MMD2: variants seen among roughly 807,000 people sequenced by gnomAD.
MMD2 encodes the protein monocyte to macrophage differentiation factor 2.
A neutral mutation model predicts 33.5 loss-of-function variants in MMD2; 30 were observed. The ratio of observed to expected loss-of-function variants is 0.90; its 90% confidence interval spans 0.67 to 1.22. The LOEUF is 1.22. MMD2 is among the 50% of genes most tolerant of loss of function. The probability of loss-of-function intolerance (pLI) is 0.00; values close to 1 mark genes in which losing one functional copy is unlikely to be tolerated. For synonymous variants in MMD2, 129 were observed against 123.0 expected, an observed-to-expected ratio of 1.05 and a Z score of -0.32; for missense variants, 364 against 325.4, an observed-to-expected ratio of 1.12 and a Z score of -0.91.
intron 1 of MMD2, among the ~76,000 whole-genome samples, chr7:4,950,972 C>A (rs956589158): frequency 6.6e-6 from 1 of 152,090 alleles, no homozygotes; most frequent in African/African-American, 2.4e-5. Context: ...CTCAGCCTCC[C>A]AAATTGCTGG....
At chr7:4,892,247 C>T in the MMD2 span, among the ~76,000 whole-genome samples, 11 of 151,952 alleles carry the variant, frequency 7.2e-5, no homozygotes, top group South Asian at 2.1e-4. Context: ...ACGCCATAGA[C>T]GATAAATACA....
At chr7:4,935,668 A>T (rs896053800) in intron 1 of MMD2, among the ~76,000 whole-genome samples, 1 of 120,848 alleles carries the variant, frequency 8.3e-6, no homozygotes, top group African/African-American at 3.5e-5. Flanking sequence ...ACAGAGCAAG[A>T]CCCTGTCTCA....
chr7:4,907,478 G>A lies in MMD2; in HGVS notation c.659C>T (p.Ala220Val), dbSNP rs1784893148. The A allele has an allele frequency of 1.2e-6, 2 of 1,613,984 alleles. No homozygotes were observed. Among genetic ancestry groups the A allele is most frequent in the East Asian group, 2.2e-5 (1 of 44,888 alleles). ...FAHAIWHLFV[A>V]FGAGTHYYAI... Reference sequence around the variant, plus strand: ...ATAGTAGTGGGTACCAGCACCAAATGCTACAAAGAGATGCCAGATGGCGTG... The same window carrying A: ...ATAGTAGTGGGTACCAGCACCAAATACTACAAAGAGATGCCAGATGGCGTG... Residue 220 changes from alanine (A) to valine (V), a missense_variant, in exon 7 of 7, where the codon GCA (alanine) becomes GTA (valine). Ala to Val is a moderately conservative substitution (Grantham distance 64). Coordinates refer to ENST00000401401, the MANE Select transcript of MMD2 (RefSeq NM_198403.4).
At chr7:4,895,820 C>A in the MMD2 span, among the ~76,000 whole-genome samples, 1 of 151,862 alleles carries the variant, frequency 6.6e-6, no homozygotes, top group Non-Finnish European at 1.5e-5. Context: ...AGGCGTGAAC[C>A]ACCGCGCCCG....
intron 4 of MMD2, among the ~76,000 whole-genome samples, chr7:4,915,334 T>C (rs1785112401): frequency 6.6e-6 from 1 of 151,768 alleles, no homozygotes; most frequent in Non-Finnish European, 1.5e-5. Context: ...TAAATATAAA[T>C]ATAAGTATAT....
chr7:4,932,872 G>T (rs1048438449), intron 1 of MMD2, among the ~76,000 whole-genome samples: 6 of 151,902 alleles, frequency 3.9e-5, no homozygotes, highest in Admixed American at 1.3e-4. Flanking sequence ...TGATCCACCT[G>T]CCTTGGCCTC....
the MMD2 span, among the ~76,000 whole-genome samples, chr7:4,892,983 G>A: frequency 1.3e-5 from 2 of 152,086 alleles, no homozygotes; most frequent in African/African-American, 4.8e-5. Context: ...CAAAGTGCTG[G>A]GATTACAGGC....
At chr7:4,953,475 C>CTT (rs34343195) in intron 1 of MMD2, among the ~76,000 whole-genome samples, 1 of 141,280 alleles carries the variant, frequency 7.1e-6, no homozygotes, top group Non-Finnish European at 1.5e-5. Context: ...GATTCAGTCT[C>CTT]TTTTTTTTTT....
At chr7:4,949,072 C>T (rs1013305484) in intron 1 of MMD2, among the ~76,000 whole-genome samples, 1 of 151,930 alleles carries the variant, frequency 6.6e-6, no homozygotes. Context: ...TAGCTGGGCG[C>T]AGTGGTGCAC....
In MMD2 at chr7:4,953,003, G is replaced by C. The variant is rs1490992143; in HGVS notation, c.47+5968C>G. On this transcript the variant is annotated intron_variant, in intron 1 of 6. Coordinates refer to ENST00000401401, the MANE Select transcript of MMD2 (RefSeq NM_198403.4). Reference sequence around the variant, plus strand: ...TTTTTTGTTTTTTGTTTGTTTTTTTGTTTGCTTAGTTGGTTTTTTAGAGAC... The same window carrying C: ...TTTTTTGTTTTTTGTTTGTTTTTTTCTTTGCTTAGTTGGTTTTTTAGAGAC... Among the ~76,000 whole-genome samples, 7 of 149,816 alleles carry C rather than the reference G, an allele frequency of 4.7e-5. No homozygotes were observed. The Admixed American group carries it at 4.7e-4, about 10-fold the overall frequency.
intron 3 of MMD2, 32 bp downstream of exon 3, chr7:4,920,139 C>A: frequency 1.3e-6 from 2 of 1,548,314 alleles, no homozygotes; most frequent in Non-Finnish European, 1.7e-6. Flanking sequence ...CGACCCCCTA[C>A]CCGGCATGGG....
At chr7:4,931,019 T>G (rs1785571913) in intron 1 of MMD2, among the ~76,000 whole-genome samples, 1 of 152,014 alleles carries the variant, frequency 6.6e-6, no homozygotes, top group African/African-American at 2.4e-5. Flanking sequence ...CCTGGCTATT[T>G]TTTGTATTTT....
At chr7:4,957,877 C>T (rs1199697448) in intron 1 of MMD2, among the ~76,000 whole-genome samples, 4 of 152,188 alleles carry the variant, frequency 2.6e-5, no homozygotes, top group Non-Finnish European at 5.9e-5. Context: ...TGGACACCAT[C>T]CTAGCCCTGA....
At chr7:4,933,330 C>T (rs1225171908) in intron 1 of MMD2, among the ~76,000 whole-genome samples, 1 of 152,142 alleles carries the variant, frequency 6.6e-6, no homozygotes, top group Non-Finnish European at 1.5e-5. Context: ...CCACTGCACT[C>T]CAGCCTGCAT....
chr7:4,906,696 G>A lies in MMD2; in HGVS notation c.*700C>T, dbSNP rs970072426. 3.0e-5 allele frequency: 12 copies of A among 396,544 alleles called. No individual in the cohort carries two copies. The highest frequency in any genetic ancestry group is 5.3e-5 in the Non-Finnish European group (12 of 225,296). 24.6% of individuals were successfully genotyped at this position (396,544 alleles called of 1,614,324 possible). ...TACTCCAGGAGTTTCCCAAAAGGGAGGGGGAGATGAGGAGATAGGCATGCA... is the reference window on the plus strand; with the variant it reads ...TACTCCAGGAGTTTCCCAAAAGGGAAGGGGAGATGAGGAGATAGGCATGCA... On this transcript the variant is annotated 3_prime_UTR_variant, in exon 7 of 7. Transcript: ENST00000401401.
intron 2 of MMD2, among the ~76,000 whole-genome samples, chr7:4,923,339 A>C (rs1785335324): frequency 6.6e-6 from 1 of 151,970 alleles, no homozygotes. Context: ...CCCAACCTCA[A>C]GTGATCCGCC....
chr7:4,921,215 C>T (rs1181252904), intron 2 of MMD2, among the ~76,000 whole-genome samples: 3 of 152,096 alleles, frequency 2.0e-5, no homozygotes, highest in Non-Finnish European at 2.9e-5. Flanking sequence ...CACATGTGAC[C>T]CATCATCACC....
Position 4,943,004 on chromosome 7 carries a change from C to CTTT in MMD2, c.47+15964_47+15966dup, listed in dbSNP as rs33983457. On this transcript the variant is annotated intron_variant, in intron 1 of 6. Transcript: ENST00000401401. ...ACACTTCAGGAGGTCCTGCCCTTTTCTTTTTTTTTTTTTTTTTTTTTTTGA... is the reference window on the plus strand; with the variant it reads ...ACACTTCAGGAGGTCCTGCCCTTTTCTTTTTTTTTTTTTTTTTTTTTTTTTTGA... Among the ~76,000 whole-genome samples the CTTT allele has an allele frequency of 1.9e-3, 166 of 85,676 alleles. 3 individuals carry two copies. Among genetic ancestry groups the CTTT allele is most frequent in the African/African-American group, 5.6e-3 (130 of 23,158 alleles). 56.2% of individuals were successfully genotyped at this position (85,676 alleles called of 152,430 possible). A position where few individuals can be genotyped will look rare whatever the true frequency, so the allele number is the denominator to read the frequency against.
At chr7:4,903,209 G>C (rs1044251589), downstream of MMD2, among the ~76,000 whole-genome samples, 16 of 152,168 alleles carry the variant, frequency 1.1e-4, no homozygotes, top group African/African-American at 3.4e-4. Context: ...CTGCACTCCA[G>C]CCTGGGCAAC....
Sources: allele counts gnomAD v4.1 joint callset (sites outside exome capture counted in the v4.1 genomes callset), GRCh38; gene constraint gnomAD v4.1.1; transcripts MANE v1.5; gene names NCBI Gene and HGNC (gene_info 2026-07-23, HGNC 2026-07-21).